WDTC1: variants seen among roughly 807,000 people sequenced by gnomAD.
WDTC1 encodes the protein WD and tetratricopeptide repeats protein 1.
In WDTC1, 12 loss-of-function variants were observed where a neutral mutation model predicts 76.0. The observed-to-expected ratio is 0.16, with a 90% CI of 0.10 to 0.26. The LOEUF is 0.26. Among genes scored for constraint, WDTC1 ranks in the 10% least tolerant of loss-of-function variants. The probability of loss-of-function intolerance (pLI) is 1.00; values close to 1 mark genes in which losing one functional copy is unlikely to be tolerated. For synonymous variants in WDTC1, 326 were observed against 350.8 expected, an observed-to-expected ratio of 0.93 and a Z score of 0.79; for missense variants, 511 against 908.8, an observed-to-expected ratio of 0.56 and a Z score of 5.63.
At chr1:27,296,301 CT>C (rs1251107879) in intron 9 of WDTC1, 24 bp from the exon 10 acceptor site, 18 of 1,613,768 alleles carry the variant, frequency 1.1e-5, no homozygotes, top group Non-Finnish European at 1.4e-5. Flanking sequence ...GCTTCCATCT[CT>C]TTTTTTGCCC....
intron 3 of WDTC1, among the ~76,000 whole-genome samples, chr1:27,275,608 ACT>A (rs2012999441): frequency 6.8e-6 from 1 of 146,886 alleles, no homozygotes; most frequent in Non-Finnish European, 1.5e-5. Flanking sequence ...ACAGAGTGAG[ACT>A]CTGTCTCAAA....
At chr1:27,289,749 G>A (rs374773876) in intron 6 of WDTC1, among the ~76,000 whole-genome samples, 1,936 of 150,928 alleles carry the variant, frequency 0.013, 23 homozygotes, top group East Asian at 0.024. Flanking sequence ...TCGGGAGGCC[G>A]AGGCTGGCGG....
chr1:27,300,058 C>A (rs965704158), intron 12 of WDTC1, among the ~76,000 whole-genome samples: 1 of 152,204 alleles, frequency 6.6e-6, no homozygotes, highest in Non-Finnish European at 1.5e-5. Flanking sequence ...CTCATCCTGA[C>A]GCAGGCCACG....
chr1:27,265,646 G>C (rs1260904507), intron 3 of WDTC1, among the ~76,000 whole-genome samples: 1 of 150,794 alleles, frequency 6.6e-6, no homozygotes, highest in Non-Finnish European at 1.5e-5. Context: ...GTGAGACCCT[G>C]TTTAAAAAAA....
intron 1 of WDTC1, among the ~76,000 whole-genome samples, chr1:27,248,353 T>C (rs2011920541): frequency 6.6e-6 from 1 of 152,242 alleles, no homozygotes; most frequent in Non-Finnish European, 1.5e-5. Context: ...TCCTGACTAG[T>C]GTGAGATGGT....
Position 27,301,134 on chromosome 1 carries a change from T to G in WDTC1, c.1233-92T>G. The G allele has an allele frequency of 9.0e-7, 1 of 1,109,374 alleles. No homozygotes were observed. Among genetic ancestry groups the G allele is most frequent in the Non-Finnish European group, 1.3e-6 (1 of 756,438 alleles). 68.7% of individuals were successfully genotyped at this position (1,109,374 alleles called of 1,614,324 possible). A position where few individuals can be genotyped will look rare whatever the true frequency, so the allele number is the denominator to read the frequency against. On this transcript the variant is annotated intron_variant, in intron 12 of 15. Coordinates refer to ENST00000319394, the MANE Select transcript of WDTC1 (RefSeq NM_001276252.2). This position sits in a 1 kb window ranked among gnomAD's most constrained non-coding sequence, Gnocchi z 5.8. ...GCCATGAGATCTGTCAGTGGTGGGC[T>G]GGGGTGGCCACAGGAAGCAGAGGAG...
At chr1:27,269,431 A>G (rs1352711820) in intron 3 of WDTC1, among the ~76,000 whole-genome samples, 1 of 151,540 alleles carries the variant, frequency 6.6e-6, no homozygotes, top group Non-Finnish European at 1.5e-5. Context: ...CAAGAGAACA[A>G]TTAGTCACAA....
rs1235982853 is a variant in WDTC1 at position 27,292,209 on chromosome 1, TCA to T, written c.480-3_480-2del. ...CCCAATTCCCTAACTCTGTCCTCTC[TCA>T]CAGCCAGTATGACCTTCGAGAGAAC... On this transcript the variant is annotated splice_polypyrimidine_tract_variant and splice_region_variant and intron_variant, in intron 6 of 15. Coordinates refer to ENST00000319394, the MANE Select transcript of WDTC1 (RefSeq NM_001276252.2). 3 of 1,564,788 alleles carry T rather than the reference TCA, an allele frequency of 1.9e-6. No homozygotes were observed. Among genetic ancestry groups the T allele is most frequent in the Non-Finnish European group, 2.6e-6 (3 of 1,151,686 alleles).
intron 3 of WDTC1, among the ~76,000 whole-genome samples, chr1:27,264,060 G>T (rs1481419597): frequency 6.6e-6 from 1 of 151,388 alleles, no homozygotes; most frequent in Non-Finnish European, 1.5e-5. Flanking sequence ...AGGTCAAGGA[G>T]GGTGGATCAC....
chr1:27,244,861 C>T (rs1194193827), intron 1 of WDTC1, among the ~76,000 whole-genome samples: 1 of 152,120 alleles, frequency 6.6e-6, no homozygotes, highest in Admixed American at 6.6e-5. Context: ...GTAGCATGTC[C>T]AGAGGAAAGA....
chr1:27,291,120 T>C (rs1420980689), intron 6 of WDTC1, among the ~76,000 whole-genome samples: 1 of 152,228 alleles, frequency 6.6e-6, no homozygotes, highest in Non-Finnish European at 1.5e-5. Flanking sequence ...GAACATAAGC[T>C]GGGCCTTCCA....
intron 1 of WDTC1, among the ~76,000 whole-genome samples, chr1:27,252,026 T>G (rs2012083194): frequency 6.7e-6 from 1 of 150,244 alleles, no homozygotes; most frequent in Non-Finnish European, 1.5e-5. Context: ...CCAGCCTGGG[T>G]GATAGAGCAA....
At chr1:27,247,712 C>A (rs1052564318) in intron 1 of WDTC1, among the ~76,000 whole-genome samples, 1 of 136,560 alleles carries the variant, frequency 7.3e-6, no homozygotes, top group African/African-American at 2.7e-5. Context: ...CATTTTCTTT[C>A]TTTTTTTTTT....
chr1:27,296,111 GGT>G (rs1209812322), intron 9 of WDTC1, among the ~76,000 whole-genome samples: 1 of 152,086 alleles, frequency 6.6e-6, no homozygotes, highest in Non-Finnish European at 1.5e-5. Flanking sequence ...CAGGACTTTG[GGT>G]AGATCAGATA....
intron 8 of WDTC1, 58 bp from the exon 9 acceptor site, chr1:27,294,456 A>G (rs1350982282): frequency 6.7e-7 from 1 of 1,481,946 alleles, no homozygotes; most frequent in Non-Finnish European, 9.4e-7. Context: ...ACTTCACACA[A>G]TCTCATGCCC....
At chr1:27,286,311 T>C (rs1557499965) in intron 5 of WDTC1, among the ~76,000 whole-genome samples, 1 of 150,364 alleles carries the variant, frequency 6.7e-6, no homozygotes. Flanking sequence ...CCGGTTTTTT[T>C]TGTTTTTTTT....
At chr1:27,304,690 G>A (rs2013910522) in intron 14 of WDTC1, 1 of 231,060 alleles carries the variant, frequency 4.3e-6, no homozygotes, top group South Asian at 1.1e-4. Flanking sequence ...AACTGCTCAG[G>A]GGAGGCTTAA....
rs144419863 is a variant in WDTC1, at chr1:27,292,695, G to A, written c.662+298G>A. On this transcript the variant is annotated intron_variant, in intron 7 of 15. Coordinates refer to ENST00000319394, the MANE Select transcript of WDTC1 (RefSeq NM_001276252.2). ...TTCCACCTCGACCTCCCAAAGTGCT[G>A]GGACTACAAGCATGAGCCACTGTGC... Among the ~76,000 whole-genome samples, 928 of 151,552 alleles carry A rather than the reference G, an allele frequency of 6.1e-3. 15 individuals carry two copies. The highest frequency in any genetic ancestry group is 0.021 in the African/African-American group (869 of 41,288).
At chr1:27,259,387 C>CT (rs1347020859) in intron 1 of WDTC1, among the ~76,000 whole-genome samples, 5 of 142,820 alleles carry the variant, frequency 3.5e-5, no homozygotes, top group African/African-American at 1.3e-4. Context: ...AGGCTGGTCT[C>CT]TAACACCTGG....
Sources: gnomAD v4.1 joint callset for allele counts (sites outside exome capture counted in the v4.1 genomes callset) on GRCh38, gnomAD v4.1.1 for gene constraint, Gnocchi (gnomAD v3.1) non-coding constraint, MANE v1.5 for transcripts, NCBI Gene and HGNC (gene_info 2026-07-23, HGNC 2026-07-21) for gene names.